RGS6: variants seen among roughly 807,000 people sequenced by gnomAD.
The protein encoded by RGS6 is regulator of G-protein signaling 6.
RGS6 carries 30 observed loss-of-function variants against 78.5 expected under a neutral mutation model. The ratio of observed to expected loss-of-function variants is 0.38; its 90% CI spans 0.29 to 0.52. The LOEUF is 0.52. RGS6 is among the 20% of genes least tolerant of loss of function. The pLI is 0.85. For missense variants in RGS6, 495 were observed against 609.7 expected (o/e 0.81, Z 1.98); for synonymous variants, 206 against 206.0 (o/e 1.00, Z 0.00).
At chr14:72,188,513 A>G (rs1450531349) in intron 2 of RGS6, among the ~76,000 whole-genome samples, 1 of 151,868 alleles carries the variant, frequency 6.6e-6, no homozygotes, top group African/African-American at 2.4e-5. Flanking sequence ...CATCAATGAA[A>G]ATACGGGAGA....
chr14:72,166,404 T>C (rs539235556), intron 2 of RGS6, among the ~76,000 whole-genome samples: 1 of 152,354 alleles, frequency 6.6e-6, no homozygotes, highest in Admixed American at 6.5e-5. Context: ...AGAAAATTTC[T>C]ATGACAAAGC....
intron 1 of RGS6, among the ~76,000 whole-genome samples, chr14:71,951,261 G>T (rs1017758531): frequency 6.6e-6 from 1 of 152,064 alleles, no homozygotes; most frequent in African/African-American, 2.4e-5. Flanking sequence ...TTGCAGGGTC[G>T]TGGATGGAGC....
intron 3 of RGS6, among the ~76,000 whole-genome samples, chr14:72,379,572 A>C (rs1403795721): frequency 6.6e-6 from 1 of 152,078 alleles, no homozygotes; most frequent in African/African-American, 2.4e-5. Context: ...AGGCAATCCT[A>C]CTTACAATAG....
At chr14:71,887,986 G>A in the RGS6 span, among the ~76,000 whole-genome samples, 19 of 152,274 alleles carry the variant, frequency 1.2e-4, no homozygotes, top group Non-Finnish European at 2.5e-4. Flanking sequence ...AGACTCAAGC[G>A]GGCATCACGG....
the RGS6 span, among the ~76,000 whole-genome samples, chr14:72,573,862 C>G: frequency 1.3e-5 from 2 of 152,178 alleles, no homozygotes; most frequent in Non-Finnish European, 2.9e-5. Flanking sequence ...TGCACACACA[C>G]GCACGACTGT....
At chr14:72,536,827 C>T (rs2097257403) in intron 16 of RGS6, among the ~76,000 whole-genome samples, 1 of 152,282 alleles carries the variant, frequency 6.6e-6, no homozygotes, top group South Asian at 2.1e-4. Flanking sequence ...CGCACCTGCC[C>T]CACGGTGTTG....
At chr14:72,541,535 G>A (rs750975510) in intron 17 of RGS6, 1 of 1,535,724 alleles carries the variant, frequency 6.5e-7, no homozygotes, top group South Asian at 1.2e-5. Context: ...CAATGGCCGT[G>A]TGGCTCCGCA....
the RGS6 span, among the ~76,000 whole-genome samples, chr14:72,597,894 C>T: frequency 2.7e-4 from 41 of 152,274 alleles, no homozygotes; most frequent in South Asian, 7.5e-3. Context: ...ATGGAGGGAG[C>T]CGGCAGCTCT....
intron 3 of RGS6, among the ~76,000 whole-genome samples, chr14:72,352,990 T>C (rs2079431665): frequency 1.3e-5 from 2 of 152,228 alleles, no homozygotes; most frequent in Admixed American, 1.3e-4. Flanking sequence ...ACCAAAGGAC[T>C]TAGTTTTCAC....
chr14:72,299,943 C>T (rs999594884), intron 2 of RGS6, among the ~76,000 whole-genome samples: 29 of 151,920 alleles, frequency 1.9e-4, no homozygotes, highest in South Asian at 4.2e-4. Context: ...TTTAAAGTGC[C>T]GACTTTTGGT....
intron 17 of RGS6, among the ~76,000 whole-genome samples, chr14:72,541,894 C>A (rs1046629763): frequency 6.6e-6 from 1 of 152,140 alleles, no homozygotes; most frequent in East Asian, 1.9e-4. Context: ...CTGTGAGGAG[C>A]ATTTATTGAT....
At chr14:72,455,624 G>C (rs2095610989) in intron 4 of RGS6, among the ~76,000 whole-genome samples, 1 of 152,168 alleles carries the variant, frequency 6.6e-6, no homozygotes. Context: ...CCCTTGATTA[G>C]TGGCTACTCT....
Position 72,536,279 on chromosome 14 carries a change from T to A in RGS6, c.1368+4T>A. Reference sequence around the variant, plus strand: ...TTTGCTGCTGGCCAAGAAGAAGGTATCTTTGGGAAGGGCAGGCTTGCTCTT... The same window carrying A: ...TTTGCTGCTGGCCAAGAAGAAGGTAACTTTGGGAAGGGCAGGCTTGCTCTT... On this transcript the variant is annotated splice_donor_region_variant and intron_variant, in intron 16 of 17. Coordinates refer to ENST00000553525, the MANE Select transcript of RGS6 (RefSeq NM_001204424.2). The A allele has an allele frequency of 1.2e-6, 2 of 1,612,664 alleles. No homozygotes were observed. The highest frequency in any genetic ancestry group is 2.2e-5 in the South Asian group (2 of 91,058).
intron 12 of RGS6, among the ~76,000 whole-genome samples, chr14:72,488,172 A>G (rs1316103826): frequency 6.6e-6 from 1 of 152,220 alleles, no homozygotes; most frequent in Non-Finnish European, 1.5e-5. Flanking sequence ...AGTACCACTC[A>G]TCTCTGACAC....
At chr14:72,276,244 C>T (rs960813028) in intron 2 of RGS6, among the ~76,000 whole-genome samples, 5 of 152,142 alleles carry the variant, frequency 3.3e-5, no homozygotes, top group Non-Finnish European at 5.9e-5. Context: ...CTTTCCTCAT[C>T]TAAAACTATC....
intron 2 of RGS6, among the ~76,000 whole-genome samples, chr14:72,088,342 T>C (rs1484718769): frequency 2.0e-5 from 3 of 152,220 alleles, no homozygotes; most frequent in Admixed American, 2.0e-4. Flanking sequence ...TCTGTGTGAC[T>C]GGTTCCTGGA....
At chr14:72,464,975 AT>A (rs1220178933) in intron 6 of RGS6, among the ~76,000 whole-genome samples, 1 of 152,190 alleles carries the variant, frequency 6.6e-6, no homozygotes, top group Non-Finnish European at 1.5e-5. Context: ...GTGCAATGGA[AT>A]TTAGTTCCAT....
chr14:72,593,418 C>T, the RGS6 span, among the ~76,000 whole-genome samples: 1 of 152,102 alleles, frequency 6.6e-6, no homozygotes, highest in African/African-American at 2.4e-5. Flanking sequence ...TGGAGTCTTG[C>T]TCTGTTGCCC....
the RGS6 span, among the ~76,000 whole-genome samples, chr14:71,880,340 C>T: frequency 0.17 from 25,907 of 152,138 alleles, 2,314 homozygotes; most frequent in East Asian, 0.27. Context: ...TGCAGAAATT[C>T]GCATTAGTAA....
Sources: allele counts gnomAD v4.1 joint callset (sites outside exome capture counted in the v4.1 genomes callset), GRCh38; gene constraint gnomAD v4.1.1; transcripts MANE v1.5; gene names NCBI Gene and HGNC (gene_info 2026-07-23, HGNC 2026-07-21).